Variants in SEMA3A observed in about 807,000 individuals in gnomAD.
The protein encoded by SEMA3A is semaphorin-3A.
A neutral mutation model predicts 97.9 loss-of-function variants in SEMA3A; 29 were observed. That is an observed-to-expected ratio of 0.30 (90% CI 0.22 to 0.40). The LOEUF (loss-of-function observed/expected upper bound fraction) is 0.40, where lower values mean the gene tolerates loss of function less well. Among genes scored for constraint, SEMA3A ranks in the 10% least tolerant of loss-of-function variants. The pLI is 1.00. For synonymous variants in SEMA3A, 321 were observed against 323.7 expected, an observed-to-expected ratio of 0.99 and a Z score of 0.09; for missense variants, 763 against 951.3, an observed-to-expected ratio of 0.80 and a Z score of 2.60.
At chr7:83,996,225 T>C (rs1790211104) in intron 12 of SEMA3A, among the ~76,000 whole-genome samples, 1 of 152,042 alleles carries the variant, frequency 6.6e-6, no homozygotes, top group African/African-American at 2.4e-5. Context: ...GGTACATGTA[T>C]GGAATTTTCA....
intron 1 of SEMA3A, among the ~76,000 whole-genome samples, chr7:84,377,902 T>C (rs1047979114): frequency 3.9e-5 from 6 of 152,168 alleles, no homozygotes; most frequent in African/African-American, 7.2e-5. Context: ...TGGTGAATCA[T>C]TCAGTTACTG....
chr7:84,015,516 C>G (rs187234428), intron 6 of SEMA3A, among the ~76,000 whole-genome samples: 2 of 152,282 alleles, frequency 1.3e-5, no homozygotes, highest in Non-Finnish European at 2.9e-5. Context: ...TGCAACGAAG[C>G]TAAGTGTACC....
chr7:83,992,599 G>C (rs1441549299), intron 12 of SEMA3A, among the ~76,000 whole-genome samples: 1 of 151,944 alleles, frequency 6.6e-6, no homozygotes, highest in Non-Finnish European at 1.5e-5. Context: ...TCAGGAGCAG[G>C]TTGTTCAGTT....
At chr7:84,423,759 C>T (rs545231148) in intron 1 of SEMA3A, among the ~76,000 whole-genome samples, 105 of 151,808 alleles carry the variant, frequency 6.9e-4, no homozygotes, top group African/African-American at 2.0e-3. Flanking sequence ...ATACATCCAA[C>T]GAAGGAATAA....
At position 84,110,535 on chromosome 7, in the gene SEMA3A, A is replaced by T; in HGVS notation, c.388T>A (p.Tyr130Asn). 1 of 1,614,028 alleles carries T rather than the reference A, an allele frequency of 6.2e-7. No homozygotes were observed. Among genetic ancestry groups the T allele is most frequent in the Non-Finnish European group, 8.5e-7 (1 of 1,179,916 alleles). The change falls in exon 4 of 17, where the codon TAC becomes AAC. Residue 130 changes from tyrosine (Y) to asparagine (N), a missense_variant. Transcript: ENST00000265362. Reference sequence around the variant, plus strand: ...TGAAAAGCCCCCGTTCCACAGGCGTACAAGTGAGTCTGATTATATGCCTTA... The same window carrying T: ...TGAAAAGCCCCCGTTCCACAGGCGTTCAAGTGAGTCTGATTATATGCCTTA... ...VLKAYNQTHL[Y>N]ACGTGAFHPI...
chr7:84,160,024 T>G (rs1175387392), intron 1 of SEMA3A, among the ~76,000 whole-genome samples: 2 of 152,116 alleles, frequency 1.3e-5, no homozygotes, highest in African/African-American at 4.8e-5. Context: ...AAGTTGATCC[T>G]CAAAATATGA....
chr7:84,412,421 C>A (rs1804294983), intron 1 of SEMA3A, among the ~76,000 whole-genome samples: 2 of 152,092 alleles, frequency 1.3e-5, no homozygotes, highest in African/African-American at 2.4e-5. Context: ...TCACAGTTTG[C>A]AAACAATGTG....
intron 1 of SEMA3A, among the ~76,000 whole-genome samples, chr7:84,141,532 C>T (rs979288782): frequency 6.6e-6 from 1 of 152,128 alleles, no homozygotes; most frequent in African/African-American, 2.4e-5. Flanking sequence ...GTTCAGGCTA[C>T]ATGTGTAGCA....
intron 1 of SEMA3A, among the ~76,000 whole-genome samples, chr7:84,143,168 T>C (rs1166086491): frequency 6.6e-6 from 1 of 152,162 alleles, no homozygotes; most frequent in Admixed American, 6.6e-5. Context: ...CCATGTTATA[T>C]ACTGCCCCCA....
chr7:84,118,899 TC>T (rs1795514758), intron 3 of SEMA3A, among the ~76,000 whole-genome samples: 1 of 97,080 alleles, frequency 1.0e-5, no homozygotes, highest in Non-Finnish European at 2.3e-5. Context: ...TTTTTCCATA[TC>T]AATCACACAG....
intron 10 of SEMA3A, among the ~76,000 whole-genome samples, chr7:84,007,110 A>C (rs1790698555): frequency 6.6e-6 from 1 of 152,196 alleles, no homozygotes; most frequent in African/African-American, 2.4e-5. Context: ...AAATTAAAAT[A>C]AGATTTAATA....
intron 15 of SEMA3A, among the ~76,000 whole-genome samples, chr7:83,965,870 A>AG (rs1206429788): frequency 1.3e-5 from 2 of 149,196 alleles, no homozygotes; most frequent in Non-Finnish European, 3.0e-5. Flanking sequence ...TAATAGAGGC[A>AG]GGGTTTCAAC....
intron 10 of SEMA3A, 54 bp from the exon 11 acceptor site, chr7:84,005,612 AT>A: frequency 8.5e-7 from 1 of 1,172,134 alleles, no homozygotes; most frequent in Non-Finnish European, 1.2e-6. Flanking sequence ...AAACATAATT[AT>A]AAATTATATA....
At chr7:84,282,061 T>C (rs1219197442) in intron 3 of SEMA3A, among the ~76,000 whole-genome samples, 1 of 152,170 alleles carries the variant, frequency 6.6e-6, no homozygotes, top group Non-Finnish European at 1.5e-5. Context: ...CAGAATCACC[T>C]GAGCCCTTAA....
chr7:84,160,834 C>A (rs1188690731), intron 1 of SEMA3A, among the ~76,000 whole-genome samples: 1 of 151,724 alleles, frequency 6.6e-6, no homozygotes, highest in East Asian at 2.0e-4. Context: ...GAGCCGAGAT[C>A]CCGCCATTGC....
At chr7:84,167,065 C>CAGAA (rs1562826608) in intron 1 of SEMA3A, among the ~76,000 whole-genome samples, 9 of 46,396 alleles carry the variant, frequency 1.9e-4, no homozygotes, top group East Asian at 1.7e-3. Context: ...TTTTGCAGTC[C>CAGAA]TACAAGATGT....
intron 3 of SEMA3A, among the ~76,000 whole-genome samples, chr7:84,277,104 G>T (rs904497561): frequency 1.3e-5 from 2 of 152,026 alleles, no homozygotes; most frequent in Non-Finnish European, 2.9e-5. Flanking sequence ...GGACAAAATG[G>T]CATCCCTCTC....
At chr7:84,221,464 T>C (rs1798879521) in intron 3 of SEMA3A, among the ~76,000 whole-genome samples, 1 of 152,166 alleles carries the variant, frequency 6.6e-6, no homozygotes, top group African/African-American at 2.4e-5. Flanking sequence ...GCTTTGGGCC[T>C]ATCTCAGCTT....
chr7:84,212,282 AT>A (rs1798646659), intron 3 of SEMA3A, among the ~76,000 whole-genome samples: 1 of 152,348 alleles, frequency 6.6e-6, no homozygotes, highest in East Asian at 1.9e-4. Context: ...TGAATTCACA[AT>A]GAAAGTGAAA....
Sources: allele counts gnomAD v4.1 joint callset (sites outside exome capture counted in the v4.1 genomes callset), GRCh38; gene constraint gnomAD v4.1.1; transcripts MANE v1.5; gene names NCBI Gene and HGNC (gene_info 2026-07-23, HGNC 2026-07-21).